The following PTPRD variants were observed in gnomAD, a reference collection of about 807,000 sequenced individuals.
PTPRD encodes the protein receptor-type tyrosine-protein phosphatase delta.
Under a neutral mutation model 214.5 loss-of-function variants are expected in PTPRD, and 34 were observed. That is an observed-to-expected ratio of 0.16 (90% CI 0.12 to 0.21). The LOEUF is 0.21. Ranked by LOEUF, PTPRD falls within the 10% of genes least tolerant of loss-of-function variation. The probability of loss-of-function intolerance (pLI) is 1.00; values close to 1 mark genes in which losing one functional copy is unlikely to be tolerated. For synonymous variants in PTPRD, 1,128 were observed against 845.7 expected (o/e 1.33, Z -5.79); for missense variants, 2,545 against 2,398.7 (o/e 1.06, Z -1.27).
chr9:9,834,125 C>A (rs557236069), intron 5 of PTPRD, among the ~76,000 whole-genome samples: 4 of 152,132 alleles, frequency 2.6e-5, no homozygotes, highest in Middle Eastern at 3.4e-3. Flanking sequence ...TAAGAAATTA[C>A]AAAAGTATTA....
At chr9:10,131,569 C>G (rs1324838425) in intron 3 of PTPRD, among the ~76,000 whole-genome samples, 1 of 152,148 alleles carries the variant, frequency 6.6e-6, no homozygotes. Flanking sequence ...GACCAACTTA[C>G]AAATACTTAG....
intron 3 of PTPRD, among the ~76,000 whole-genome samples, chr9:10,305,684 C>G (rs1361959970): frequency 1.3e-5 from 2 of 152,262 alleles, no homozygotes; most frequent in East Asian, 3.9e-4. Context: ...CTCATCATCA[C>G]TGGTCATTAG....
chr9:9,553,776 A>C (rs1448377194), intron 8 of PTPRD, among the ~76,000 whole-genome samples: 1 of 152,090 alleles, frequency 6.6e-6, no homozygotes, highest in Non-Finnish European at 1.5e-5. Context: ...AAATGAAGCA[A>C]AGGAATTTAA....
intron 11 of PTPRD, among the ~76,000 whole-genome samples, chr9:8,983,518 C>T (rs1003983963): frequency 6.6e-6 from 1 of 151,596 alleles, no homozygotes; most frequent in Non-Finnish European, 1.5e-5. Context: ...CTTCCCCCTC[C>T]CCCCGCTTTT....
intron 9 of PTPRD, among the ~76,000 whole-genome samples, chr9:9,396,607 G>A (rs1427762400): frequency 2.0e-5 from 3 of 151,800 alleles, no homozygotes; most frequent in Non-Finnish European, 4.4e-5. Flanking sequence ...CTGCCAACCA[G>A]CTCCCACTCT....
rs189874099 is a variant in PTPRD at position 9,179,933 on chromosome 9, T to C, written c.-143+3371A>G. Among the ~76,000 whole-genome samples, 413 of 152,236 alleles carry C rather than the reference T, an allele frequency of 2.7e-3. 2 individuals carry two copies. Among genetic ancestry groups the C allele is most frequent in the Non-Finnish European group, 4.7e-3 (321 of 68,004 alleles). ...AAATGTCATATATGTACAATATGTTTTGCACATAATATACATATCAAAAAT... is the reference window on the plus strand; with the variant it reads ...AAATGTCATATATGTACAATATGTTCTGCACATAATATACATATCAAAAAT... On this transcript the variant is annotated intron_variant, in intron 10 of 45. Coordinates refer to ENST00000381196, the MANE Select transcript of PTPRD (RefSeq NM_002839.4).
chr9:8,952,428 T>C (rs1173496718), intron 11 of PTPRD, among the ~76,000 whole-genome samples: 1 of 152,014 alleles, frequency 6.6e-6, no homozygotes, highest in Non-Finnish European at 1.5e-5. Context: ...CTGTATGTTT[T>C]ACCTTTACCC....
chr9:8,533,412 A>G (rs10758982), intron 14 of PTPRD, among the ~76,000 whole-genome samples: 45,837 of 151,950 alleles, frequency 0.3, 7,346 homozygotes, highest in African/African-American at 0.42. Flanking sequence ...ATATGTTTAT[A>G]AAGAAAAAGC....
chr9:9,102,495 C>T (rs183955146), intron 10 of PTPRD, among the ~76,000 whole-genome samples: 59 of 152,222 alleles, frequency 3.9e-4, no homozygotes, highest in African/African-American at 1.4e-3. Flanking sequence ...AGCCATTTGG[C>T]GTTCAGAAGC....
At chr9:8,875,764 C>A (rs2098382555) in intron 11 of PTPRD, among the ~76,000 whole-genome samples, 1 of 152,094 alleles carries the variant, frequency 6.6e-6, no homozygotes, top group Non-Finnish European at 1.5e-5. Flanking sequence ...GAGGAACAAG[C>A]TTTAGACTTA....
At chr9:10,172,159 T>C (rs2099212464) in intron 3 of PTPRD, among the ~76,000 whole-genome samples, 1 of 152,132 alleles carries the variant, frequency 6.6e-6, no homozygotes, top group Non-Finnish European at 1.5e-5. Context: ...AGTTACTTGG[T>C]TCTAGTGGCA....
At chr9:8,493,035 G>T in intron 26 of PTPRD, 56 bp from the exon 27 acceptor site, 1 of 1,403,750 alleles carries the variant, frequency 7.1e-7, no homozygotes, top group South Asian at 1.2e-5. Flanking sequence ...ATGCTCTGGG[G>T]GAAAAACAAG....
At chr9:10,016,834 T>C (rs549868327) in intron 4 of PTPRD, among the ~76,000 whole-genome samples, 1 of 152,216 alleles carries the variant, frequency 6.6e-6, no homozygotes, top group East Asian at 1.9e-4. Context: ...CTGGCTAATC[T>C]TTTGATTTTT....
At position 10,315,354 on chromosome 9, in the gene PTPRD, A is replaced by G. The variant is rs193180175; in HGVS notation, c.-545+25609T>C. Among the ~76,000 whole-genome samples the G allele has an allele frequency of 1.2e-4, 19 of 152,078 alleles. No homozygotes were observed. The East Asian group carries it at 3.7e-3, about 30-fold the overall frequency. ...GCAGAATAAATGTAGTTTATTTTGT[A>G]AACTTCAGGACCTAATATCATAAAT... On this transcript the variant is annotated intron_variant, in intron 3 of 45. Coordinates refer to ENST00000381196, the MANE Select transcript of PTPRD (RefSeq NM_002839.4).
chr9:8,524,512 T>C (rs1364606557), intron 18 of PTPRD, among the ~76,000 whole-genome samples: 1 of 152,142 alleles, frequency 6.6e-6, no homozygotes, highest in Non-Finnish European at 1.5e-5. Context: ...TAAACACCTT[T>C]ATGCTTGGAA....
At chr9:9,363,522 G>C (rs1294055771) in intron 9 of PTPRD, among the ~76,000 whole-genome samples, 1 of 151,348 alleles carries the variant, frequency 6.6e-6, no homozygotes, top group Non-Finnish European at 1.5e-5. Context: ...TAAATTGCTA[G>C]AACATTGGTG....
At chr9:9,188,851 A>T (rs2099933326) in intron 9 of PTPRD, among the ~76,000 whole-genome samples, 1 of 151,246 alleles carries the variant, frequency 6.6e-6, no homozygotes. Context: ...TGTTGTGTGC[A>T]TGCATGTCTT....
intron 2 of PTPRD, among the ~76,000 whole-genome samples, chr9:10,527,868 C>T (rs1405151083): frequency 2.0e-5 from 3 of 152,112 alleles, no homozygotes; most frequent in Admixed American, 2.0e-4. Flanking sequence ...ATATTTATGG[C>T]ATTATGAGAA....
At chr9:10,198,144 T>G (rs2099405219) in intron 3 of PTPRD, among the ~76,000 whole-genome samples, 1 of 152,150 alleles carries the variant, frequency 6.6e-6, no homozygotes, top group Non-Finnish European at 1.5e-5. Context: ...GTATATATAA[T>G]GATACCCATT....
Sources: allele counts gnomAD v4.1 joint callset (sites outside exome capture counted in the v4.1 genomes callset), GRCh38; gene constraint gnomAD v4.1.1; transcripts MANE v1.5; gene names NCBI Gene and HGNC (gene_info 2026-07-23, HGNC 2026-07-21).